LDB2: variants seen among roughly 807,000 people sequenced by gnomAD.
LDB2 encodes the protein LIM domain binding 2.
In LDB2, 12 loss-of-function variants were observed where a neutral mutation model predicts 44.3. The observed-to-expected ratio is 0.27, with a 90% CI of 0.17 to 0.44. LDB2 has a LOEUF of 0.44. Among genes scored for constraint, LDB2 ranks in the 20% least tolerant of loss-of-function variants. The pLI is 1.00. For missense variants in LDB2, 344 were observed against 473.5 expected, an observed-to-expected ratio of 0.73 and a Z score of 2.54; for synonymous variants, 164 against 174.8, an observed-to-expected ratio of 0.94 and a Z score of 0.49.
intron 1 of LDB2, chr4:16,889,509 T>G (rs28529410): frequency 0.49 from 75,197 of 152,048 alleles, 20,162 homozygotes; most frequent in African/African-American, 0.71. Flanking sequence ...CCTTTGGGCT[T>G]GACGTGCGTT....
intron 2 of LDB2, among the ~76,000 whole-genome samples, chr4:16,627,339 G>C (rs1019882904): frequency 3.3e-5 from 5 of 152,040 alleles, no homozygotes; most frequent in Non-Finnish European, 7.4e-5. Context: ...TTCTTTTCCA[G>C]TTCAGTGAAA....
intron 5 of LDB2, among the ~76,000 whole-genome samples, chr4:16,543,259 A>G (rs1198348516): frequency 4.6e-5 from 7 of 152,174 alleles, no homozygotes. Context: ...TTATAGCAGC[A>G]TGATTTATAA....
chr4:16,802,476 C>A (rs1561280542), intron 1 of LDB2, among the ~76,000 whole-genome samples: 1 of 152,158 alleles, frequency 6.6e-6, no homozygotes, highest in Non-Finnish European at 1.5e-5. Flanking sequence ...ATCAGAACTT[C>A]TTGCTAGAGA....
At chr4:16,891,827 A>G (rs1391203266) in intron 1 of LDB2, among the ~76,000 whole-genome samples, 1 of 152,214 alleles carries the variant, frequency 6.6e-6, no homozygotes, top group African/African-American at 2.4e-5. Context: ...AAATGAATAT[A>G]TTCACATTAA....
At chr4:16,575,467 T>C (rs987047206) in intron 5 of LDB2, among the ~76,000 whole-genome samples, 1 of 152,194 alleles carries the variant, frequency 6.6e-6, no homozygotes, top group African/African-American at 2.4e-5. Flanking sequence ...TAATAGATAT[T>C]TACAGACCAT....
intron 5 of LDB2, among the ~76,000 whole-genome samples, chr4:16,551,461 G>C (rs1316318161): frequency 2.0e-5 from 3 of 152,060 alleles, no homozygotes; most frequent in African/African-American, 7.2e-5. Context: ...CCATGAAAAA[G>C]TCCTCTGTAA....
intron 1 of LDB2, among the ~76,000 whole-genome samples, chr4:16,803,712 A>C (rs1042746108): frequency 6.6e-6 from 1 of 152,206 alleles, no homozygotes; most frequent in Admixed American, 6.5e-5. Flanking sequence ...CTTTATTTTC[A>C]TTGTTGCTGA....
intron 3 of LDB2, among the ~76,000 whole-genome samples, chr4:16,592,481 T>C (rs937061948): frequency 6.0e-4 from 76 of 126,592 alleles, no homozygotes; most frequent in Non-Finnish European, 8.4e-4. Context: ...TATATATATA[T>C]ATATATATAT....
rs114227220 is a variant in LDB2 at position 16,762,535 on chromosome 4, C to A, written c.133-3275G>T. Among the ~76,000 whole-genome samples the A allele has an allele frequency of 4.5e-3, 685 of 152,150 alleles. 10 individuals are homozygous for A. Among genetic ancestry groups the A allele is most frequent in the African/African-American group, 0.015 (631 of 41,516 alleles). ...TGGAAGGGGAGGAGAGGAATGAATG[C>A]CCAGTGAAGGGGGAAACCCCTTATA... On this transcript the variant is annotated intron_variant, in intron 1 of 7. Coordinates refer to ENST00000304523, the MANE Select transcript of LDB2 (RefSeq NM_001290.5).
chr4:16,723,686 T>C (rs969967983), intron 2 of LDB2, among the ~76,000 whole-genome samples: 1 of 152,150 alleles, frequency 6.6e-6, no homozygotes, highest in Non-Finnish European at 1.5e-5. Flanking sequence ...ACCTTCTGGA[T>C]GTTTCTTGTC....
chr4:16,711,730 A>G (rs965244350), intron 2 of LDB2, among the ~76,000 whole-genome samples: 3 of 152,248 alleles, frequency 2.0e-5, no homozygotes, highest in Admixed American at 6.5e-5. Context: ...TGGTTCCAAC[A>G]TAAGGATAGA....
At position 16,538,909 on chromosome 4, in the gene LDB2, T is replaced by A. The variant is rs1247950538; in HGVS notation, c.616-26805A>T. On this transcript the variant is annotated intron_variant, in intron 5 of 7. Coordinates refer to ENST00000304523, the MANE Select transcript of LDB2 (RefSeq NM_001290.5). ...ATGAGGAAACCGTGGCAAAAACAGA[T>A]GAAATAAGTCATCTGAAGCCATACA... 3.9e-5 allele frequency among the ~76,000 whole-genome samples: 6 copies of A among 152,280 alleles called. No individual in the cohort carries two copies. The East Asian group carries it at 1.2e-3, about 29-fold the overall frequency.
In LDB2 at chr4:16,655,751, C is replaced by T. The variant is rs1739599492; in HGVS notation, c.236-59876G>A. On this transcript the variant is annotated intron_variant, in intron 2 of 7. Coordinates refer to ENST00000304523, the MANE Select transcript of LDB2 (RefSeq NM_001290.5). The stretch of plus-strand genomic sequence containing the variant: ...GCTTATGGCCAGTAGCCAGTCTTGG[C>T]ATGCTCAATACTGCCAGAGTGATAG... Among the ~76,000 whole-genome samples the T allele has an allele frequency of 2.0e-5, 3 of 152,154 alleles. No individual in the cohort carries two copies. The South Asian group carries it at 6.2e-4, about 32-fold the overall frequency.
intron 2 of LDB2, among the ~76,000 whole-genome samples, chr4:16,740,911 A>G (rs1763118227): frequency 6.6e-6 from 1 of 152,256 alleles, no homozygotes; most frequent in South Asian, 2.1e-4. Flanking sequence ...TAAGGAGACC[A>G]AAATGCAAAG....
intron 1 of LDB2, among the ~76,000 whole-genome samples, chr4:16,791,247 AAAC>A (rs1252054633): frequency 1.8e-4 from 27 of 152,132 alleles, no homozygotes; most frequent in East Asian, 9.7e-4. Context: ...TACAAAACCA[AAAC>A]AACAACAACA....
At chr4:16,566,713 A>G (rs969655976) in intron 5 of LDB2, among the ~76,000 whole-genome samples, 6 of 152,178 alleles carry the variant, frequency 3.9e-5, no homozygotes, top group African/African-American at 1.4e-4. Flanking sequence ...AAGCAAACTT[A>G]AAAAAAGAAC....
In LDB2 at chr4:16,898,257, G is replaced by A. The variant is rs1052353191; in HGVS notation, c.132+97C>T. ...TCCACGTACGTGGTAGTATCAAGTGGGACACTTCCCATAGAATTCAGCCAG... is the reference window on the plus strand; with the variant it reads ...TCCACGTACGTGGTAGTATCAAGTGAGACACTTCCCATAGAATTCAGCCAG... On this transcript the variant is annotated intron_variant, in intron 1 of 7. Coordinates refer to ENST00000304523, the MANE Select transcript of LDB2 (RefSeq NM_001290.5). The A allele has an allele frequency of 3.2e-6, 4 of 1,239,482 alleles. No homozygotes were observed. In the African/African-American group the frequency reaches 4.5e-5, roughly 14 times the overall value. 76.8% of individuals were successfully genotyped at this position (1,239,482 alleles called of 1,614,324 possible).
chr4:16,848,381 T>C (rs1787516284), intron 1 of LDB2, among the ~76,000 whole-genome samples: 1 of 152,252 alleles, frequency 6.6e-6, no homozygotes, highest in Non-Finnish European at 1.5e-5. Context: ...TTTAAAACAA[T>C]GTCAAAAATC....
chr4:16,504,599 T>G (rs1251729447), intron 7 of LDB2, among the ~76,000 whole-genome samples: 1 of 152,190 alleles, frequency 6.6e-6, no homozygotes, highest in African/African-American at 2.4e-5. Context: ...ACGAGACTCA[T>G]GAAGACTGTT....
Sources: allele counts gnomAD v4.1 joint callset (sites outside exome capture counted in the v4.1 genomes callset), GRCh38; gene constraint gnomAD v4.1.1; transcripts MANE v1.5; gene names NCBI Gene and HGNC (gene_info 2026-07-23, HGNC 2026-07-21).